The following BASP1 variants were observed in gnomAD, a reference collection of about 807,000 sequenced individuals.
The protein encoded by BASP1 is brain abundant membrane attached signal protein 1.
A neutral mutation model predicts 2.2 loss-of-function variants in BASP1; 1 was observed. The observed-to-expected ratio is 0.46, with a 90% CI of 0.16 to 2.17. BASP1 has a LOEUF of 2.17. BASP1 is among the 30% of genes most tolerant of loss of function. The pLI is 0.27. For missense variants in BASP1, 352 were observed against 327.2 expected, an observed-to-expected ratio of 1.08 and a Z score of -0.58; for synonymous variants, 187 against 154.2, an observed-to-expected ratio of 1.21 and a Z score of -1.58.
At chr5:17,232,502 G>A (rs888638803) in intron 1 of BASP1, among the ~76,000 whole-genome samples, 10 of 152,208 alleles carry the variant, frequency 6.6e-5, no homozygotes, top group Non-Finnish European at 1.0e-4. Flanking sequence ...GTTCTACGAG[G>A]TTAGGACCTT....
rs1295140643 is a variant in BASP1 at position 17,236,391 on chromosome 5, G to A, written c.-10+18581G>A. ...CAATTCTCCTGCCTCAGCCTCTGGA[G>A]TAGCTGGGATTACAGGCACCTGCCA... On this transcript the variant is annotated intron_variant, in intron 1 of 1. Coordinates refer to ENST00000322611, the MANE Select transcript of BASP1 (RefSeq NM_006317.5). This position sits in a 1 kb window ranked among gnomAD's most constrained non-coding sequence, Gnocchi z 4.0. 1.3e-5 allele frequency among the ~76,000 whole-genome samples: 2 copies of A among 152,108 alleles called. No individual in the cohort carries two copies. Among genetic ancestry groups the A allele is most frequent in the Admixed American group, 1.3e-4 (2 of 15,266 alleles).
chr5:17,268,144 TG>T (rs1412845462), intron 1 of BASP1, among the ~76,000 whole-genome samples: 1 of 152,074 alleles, frequency 6.6e-6, no homozygotes, highest in Non-Finnish European at 1.5e-5. Context: ...AGATCCAGAG[TG>T]GGAGGTAACC....
In BASP1 at chr5:17,275,834, A is replaced by G. The variant is rs777849083; in HGVS notation, c.618A>G (p.Ala206=). ...TPKAQGPAAS[A]EEPKPVEAPA... The stretch of plus-strand genomic sequence containing the variant: ...AGGCCCAGGGCCCCGCAGCCTCTGC[A>G]GAAGAGCCCAAGCCGGTGGAGGCCC... Residue 206 remains alanine (A), a synonymous_variant, in exon 2 of 2, where the codon GCA becomes GCG. Transcript: ENST00000322611. The surrounding 1 kb of genome is among the most constrained non-coding windows in gnomAD (Gnocchi z 5.3). 8.1e-6 allele frequency: 13 copies of G among 1,610,708 alleles called. No individual in the cohort carries two copies. The African/African-American group carries it at 1.5e-4, about 18-fold the overall frequency.
intron 1 of BASP1, among the ~76,000 whole-genome samples, chr5:17,266,374 G>C (rs1740415131): frequency 6.6e-6 from 1 of 152,104 alleles, no homozygotes; most frequent in Admixed American, 6.5e-5. Context: ...TCCCTCCCTT[G>C]CTTGCTCTGT....
At chr5:17,217,869 A>C (rs1361165054) in intron 1 of BASP1, 59 bp downstream of exon 1, 2 of 151,732 alleles carry the variant, frequency 1.3e-5, no homozygotes, top group African/African-American at 2.4e-5. Context: ...TCCGTCCCCC[A>C]CCGCGCCGCG....
chr5:17,248,850 C>G (rs1436666666), intron 1 of BASP1, among the ~76,000 whole-genome samples: 3 of 152,204 alleles, frequency 2.0e-5, no homozygotes, highest in Non-Finnish European at 2.9e-5. Context: ...TGTGGTGCGC[C>G]TATTCTAGGT....
In BASP1 at chr5:17,260,688, C is replaced by T. The variant is rs139663838; in HGVS notation, c.-9-14520C>T. Among the ~76,000 whole-genome samples the T allele has an allele frequency of 6.6e-6, 1 of 152,112 alleles. No homozygotes were observed. Among genetic ancestry groups the T allele is most frequent in the Non-Finnish European group, 1.5e-5 (1 of 68,016 alleles). The stretch of plus-strand genomic sequence containing the variant: ...GTTCATAATTTGCAAATTAGATGTT[C>T]CCGTCTGTAGTGAGTCTGTGATGTT... On this transcript the variant is annotated intron_variant, in intron 1 of 1. Coordinates refer to ENST00000322611, the MANE Select transcript of BASP1 (RefSeq NM_006317.5). The surrounding 1 kb of genome is among the most constrained non-coding windows in gnomAD (Gnocchi z 4.2).
At chr5:17,259,962 T>C (rs894319795) in intron 1 of BASP1, among the ~76,000 whole-genome samples, 2 of 152,228 alleles carry the variant, frequency 1.3e-5, no homozygotes, top group Non-Finnish European at 2.9e-5. Flanking sequence ...TCCTGGTCTA[T>C]GGAAGAGAGA....
At chr5:17,261,621 C>T (rs187761293) in intron 1 of BASP1, among the ~76,000 whole-genome samples, 5 of 152,142 alleles carry the variant, frequency 3.3e-5, no homozygotes, top group Admixed American at 6.5e-5. Context: ...TCTCTCCCCC[C>T]CACCGTCTGC....
intron 1 of BASP1, among the ~76,000 whole-genome samples, chr5:17,245,296 A>G (rs906915326): frequency 8.0e-6 from 1 of 124,906 alleles, no homozygotes; most frequent in Admixed American, 8.1e-5. Flanking sequence ...AGTGAAAGTG[A>G]GACTCCGTCT....
chr5:17,238,671 G>A (rs1424484894), intron 1 of BASP1, among the ~76,000 whole-genome samples: 1 of 152,078 alleles, frequency 6.6e-6, no homozygotes, highest in African/African-American at 2.4e-5. Flanking sequence ...TCCCTAGTTT[G>A]TCATCTTCTT....
In BASP1 at chr5:17,275,211, T is replaced by A; in HGVS notation, c.-6T>A. 1 of 1,611,336 alleles carries A rather than the reference T, an allele frequency of 6.2e-7. No homozygotes were observed. The highest frequency in any genetic ancestry group is 8.5e-7 in the Non-Finnish European group (1 of 1,178,670). ...TTTGTTTTGTGTTTGCTTCCAGAAC[T>A]CCAAGATGGGAGGCAAGCTCAGCAA... On this transcript the variant is annotated 5_prime_UTR_variant, in exon 2 of 2. Transcript: ENST00000322611. The surrounding 1 kb of genome is among the most constrained non-coding windows in gnomAD (Gnocchi z 5.3).
Position 17,275,693 on chromosome 5 carries a change from C to T in BASP1, c.477C>T (p.Ala159=). Residue 159 remains alanine, a synonymous_variant, in exon 2 of 2, where the codon GCC becomes GCT. Transcript: ENST00000322611. The surrounding 1 kb of genome is among the most constrained non-coding windows in gnomAD (Gnocchi z 5.3). ...KKTEAPAAPA[A]QETKSDGAPA... is the part of the protein sequence containing the mutation. ...CTGAGGCGCCCGCAGCTCCTGCCGCCCAGGAGACCAAAAGTGACGGGGCCC... is the reference window on the plus strand; with the variant it reads ...CTGAGGCGCCCGCAGCTCCTGCCGCTCAGGAGACCAAAAGTGACGGGGCCC... 1 of 1,596,804 alleles carries T rather than the reference C, an allele frequency of 6.3e-7. No homozygotes were observed. Among genetic ancestry groups the T allele is most frequent in the Non-Finnish European group, 8.5e-7 (1 of 1,172,062 alleles).
intron 1 of BASP1, among the ~76,000 whole-genome samples, chr5:17,263,325 G>C (rs1028110480): frequency 2.6e-5 from 4 of 151,356 alleles, no homozygotes; most frequent in Non-Finnish European, 5.9e-5. Flanking sequence ...AATAGAGACA[G>C]GGTCTCACTA....
chr5:17,274,207 T>C (rs1469986592), intron 1 of BASP1, among the ~76,000 whole-genome samples: 2 of 152,174 alleles, frequency 1.3e-5, no homozygotes, highest in African/African-American at 4.8e-5. Flanking sequence ...ACCAGGAAAT[T>C]GATAATGAAC....
chr5:17,275,494 C>A lies in BASP1; in HGVS notation c.278C>A (p.Ala93Glu). 1 of 1,478,266 alleles carries A rather than the reference C, an allele frequency of 6.8e-7. No homozygotes were observed. Among genetic ancestry groups the A allele is most frequent in the Non-Finnish European group, 8.9e-7 (1 of 1,117,788 alleles). The allele number at this position is 1,478,266 out of a possible 1,614,324, so 91.6% of individuals were successfully genotyped here. Residue 93 changes from alanine (A) to glutamate (E), a missense_variant, in exon 2 of 2, where the codon GCG becomes GAG. Coordinates refer to ENST00000322611, the MANE Select transcript of BASP1 (RefSeq NM_006317.5). This position sits in a 1 kb window ranked among gnomAD's most constrained non-coding sequence, Gnocchi z 5.3. ...GCGGAGCCCGAGAAGACGGAGGGCG[C>A]GGCAGAGGCCAAGGCTGAGCCCCCG... ...PKAEPEKTEG[A>E]AEAKAEPPKA...
intron 1 of BASP1, among the ~76,000 whole-genome samples, chr5:17,230,092 G>A (rs1360080669): frequency 6.6e-6 from 1 of 152,152 alleles, no homozygotes; most frequent in East Asian, 1.9e-4. Flanking sequence ...TGATCCTGGG[G>A]AAGCTCATTT....
At position 17,236,144 on chromosome 5, in the gene BASP1, C is replaced by T. The variant is rs550543966; in HGVS notation, c.-10+18334C>T. 2.1e-4 allele frequency among the ~76,000 whole-genome samples: 32 copies of T among 152,236 alleles called. No homozygotes were observed. The South Asian group carries it at 4.1e-3, about 20-fold the overall frequency. On this transcript the variant is annotated intron_variant, in intron 1 of 1. Transcript: ENST00000322611. The surrounding 1 kb of genome is among the most constrained non-coding windows in gnomAD (Gnocchi z 4.0). ...AAAAGATTGGACACCCCCACCCTTG[C>T]GTTTAGTCTTTAAGACTATTCTACC...
chr5:17,272,705 CTTTG>C (rs1740554991), intron 1 of BASP1, among the ~76,000 whole-genome samples: 1 of 152,156 alleles, frequency 6.6e-6, no homozygotes, highest in Non-Finnish European at 1.5e-5. Context: ...CGTTTGTTAA[CTTTG>C]TTTGAAAAAC....
Sources: gnomAD v4.1 joint callset for allele counts (sites outside exome capture counted in the v4.1 genomes callset) on GRCh38, gnomAD v4.1.1 for gene constraint, Gnocchi (gnomAD v3.1) non-coding constraint, MANE v1.5 for transcripts, NCBI Gene and HGNC (gene_info 2026-07-23, HGNC 2026-07-21) for gene names.